Variants in TMEM120B observed in about 807,000 individuals in gnomAD.
TMEM120B encodes the protein transmembrane protein 120B.
Under a neutral mutation model 55.5 loss-of-function variants are expected in TMEM120B, and 31 were observed. The ratio of observed to expected loss-of-function variants is 0.56; its 90% CI spans 0.42 to 0.75. The LOEUF (loss-of-function observed/expected upper bound fraction) is 0.75, where lower values mean the gene tolerates loss of function less well. TMEM120B is among the 30% of genes least tolerant of loss of function. The probability of loss-of-function intolerance (pLI) is 0.00; values close to 1 mark genes in which losing one functional copy is unlikely to be tolerated. For synonymous variants in TMEM120B, 203 were observed against 176.3 expected (o/e 1.15, Z -1.20); for missense variants, 399 against 425.5 (o/e 0.94, Z 0.55).
intron 1 of TMEM120B, among the ~76,000 whole-genome samples, chr12:121,722,026 C>CT (rs1894802299): frequency 6.6e-6 from 1 of 150,856 alleles, no homozygotes; most frequent in Non-Finnish European, 1.5e-5. Context: ...TGGTCTCGAT[C>CT]TCTTGACCTT....
In TMEM120B at chr12:121,780,729, AAT is replaced by A; in HGVS notation, c.*5009_*5010del. ...AAAGTGCTCAGGTCCACAGGCCATC[AAT>A]ACTAATAGTTAAAAATTATTCTTAG... On this transcript the variant is annotated 3_prime_UTR_variant, in exon 12 of 12. Transcript: ENST00000449592. The A allele has an allele frequency of 1.0e-6, 1 of 952,692 alleles. No homozygotes were observed. Among genetic ancestry groups the A allele is most frequent in the Non-Finnish European group, 1.5e-6 (1 of 656,236 alleles). The allele number at this position is 952,692 out of a possible 1,614,324, so 59.0% of individuals were successfully genotyped here.
At chr12:121,769,715 C>CGTGT (rs63639861) in intron 6 of TMEM120B, among the ~76,000 whole-genome samples, 401 of 148,414 alleles carry the variant, frequency 2.7e-3, no homozygotes, top group Middle Eastern at 3.5e-3. Flanking sequence ...AAAGAGAAAA[C>CGTGT]GTGTGTGTGT....
chr12:121,765,129 CTTTTTTTTT>C (rs775861260), intron 6 of TMEM120B, among the ~76,000 whole-genome samples: 1 of 133,710 alleles, frequency 7.5e-6, no homozygotes, highest in South Asian at 2.4e-4. Flanking sequence ...TCTTTTCTTT[CTTTTTTTTT>C]TTTTTTTTTG....
rs1304949198 is a variant in TMEM120B, at chr12:121,712,797, G to A, written c.-99G>A. The A allele has an allele frequency of 6.9e-6, 6 of 874,472 alleles. No individual in the cohort carries two copies. Among genetic ancestry groups the A allele is most frequent in the East Asian group, 3.8e-5 (1 of 26,518 alleles). The allele number at this position is 874,472 out of a possible 1,614,324, so 54.2% of individuals were successfully genotyped here. On this transcript the variant is annotated 5_prime_UTR_variant, in exon 1 of 12. Transcript: ENST00000449592. ...CTGCGCAGGAACAGCTGGTGCCTCC[G>A]AGGGCGGTCGGCGAGCGCGCGGGCG...
At chr12:121,769,353 C>T (rs529199657) in intron 6 of TMEM120B, among the ~76,000 whole-genome samples, 24 of 152,168 alleles carry the variant, frequency 1.6e-4, no homozygotes, top group East Asian at 7.7e-4. Context: ...TGAGGTGCCG[C>T]GTGTGGCATC....
At position 121,775,718 on chromosome 12, in the gene TMEM120B, C is replaced by T. The variant is rs374562045; in HGVS notation, c.1016C>T (p.Pro339Leu). 8.7e-6 allele frequency: 14 copies of T among 1,613,758 alleles called. No homozygotes were observed. Among genetic ancestry groups the T allele is most frequent in the East Asian group, 2.2e-5 (1 of 44,888 alleles). Reference sequence around the variant, plus strand: ...AAGAACAGAGGCAAGACAAAGCAGCCGTGAGCCTCGGGCTCCTGTGCCCTC... The same window carrying T: ...AAGAACAGAGGCAAGACAAAGCAGCTGTGAGCCTCGGGCTCCTGTGCCCTC... ...LQKNRGKTKQ[P>L] Residue 339 changes from proline (P) to leucine (L), a missense_variant, in exon 12 of 12, where the codon CCG becomes CTG. By Grantham distance (98) the Pro-to-Leu change is moderately conservative (BLOSUM62 -3). Transcript: ENST00000449592. This position sits in a 1 kb window ranked among gnomAD's most constrained non-coding sequence, Gnocchi z 4.3.
chr12:121,725,282 G>A (rs12305580), intron 1 of TMEM120B, among the ~76,000 whole-genome samples: 1 of 152,268 alleles, frequency 6.6e-6, no homozygotes, highest in Non-Finnish European at 1.5e-5. Flanking sequence ...CTAGGGATTC[G>A]ATGGTGGGAG....
At chr12:121,728,544 C>T (rs1230183222) in intron 1 of TMEM120B, among the ~76,000 whole-genome samples, 1 of 151,772 alleles carries the variant, frequency 6.6e-6, no homozygotes, top group Non-Finnish European at 1.5e-5. Context: ...TGTGTCAAAC[C>T]CCTGACCTCA....
intron 1 of TMEM120B, among the ~76,000 whole-genome samples, chr12:121,727,334 G>T (rs1450531683): frequency 6.6e-6 from 1 of 151,436 alleles, no homozygotes; most frequent in African/African-American, 2.4e-5. Flanking sequence ...CCAGGAGTTT[G>T]AGACCAGCCT....
chr12:121,741,033 C>T (rs1872919070), intron 1 of TMEM120B, among the ~76,000 whole-genome samples: 1 of 152,074 alleles, frequency 6.6e-6, no homozygotes, highest in South Asian at 2.1e-4. Context: ...TTTATGGATA[C>T]TGCAATGCCA....
At chr12:121,768,563 G>A (rs1284449977) in intron 6 of TMEM120B, among the ~76,000 whole-genome samples, 1 of 152,178 alleles carries the variant, frequency 6.6e-6, no homozygotes. Context: ...TCCCTGCCCA[G>A]TCCCAAGAGA....
intron 1 of TMEM120B, 150 bp downstream of exon 1, chr12:121,713,114 C>T: frequency 1.8e-6 from 1 of 563,986 alleles, no homozygotes; most frequent in East Asian, 3.6e-5. Flanking sequence ...CATGGACCAG[C>T]CCCCTCCCAT....
chr12:121,764,705 C>A (rs1873792408), intron 6 of TMEM120B, among the ~76,000 whole-genome samples: 1 of 151,896 alleles, frequency 6.6e-6, no homozygotes, highest in South Asian at 2.1e-4. Context: ...ATCATTAACA[C>A]TTTAGTAAGA....
At position 121,732,889 on chromosome 12, in the gene TMEM120B, G is replaced by C. The variant is rs567820018; in HGVS notation, c.70-10740G>C. Among the ~76,000 whole-genome samples, 50 of 151,294 alleles carry C rather than the reference G, an allele frequency of 3.3e-4. 2 individuals carry two copies. In the South Asian group the frequency reaches 0.01, roughly 30 times the overall value. On this transcript the variant is annotated intron_variant, in intron 1 of 11. Transcript: ENST00000449592. Reference sequence around the variant, plus strand: ...AGCTACTTGGGAGGCTGAGGCAGGAGAATCACTTGAACCTGGGAGGCGGAG... The same window carrying C: ...AGCTACTTGGGAGGCTGAGGCAGGACAATCACTTGAACCTGGGAGGCGGAG...
intron 8 of TMEM120B, among the ~76,000 whole-genome samples, chr12:121,772,016 CCTTT>C (rs1874070168): frequency 6.6e-6 from 1 of 150,972 alleles, no homozygotes; most frequent in Admixed American, 6.6e-5. Flanking sequence ...GTGTGTATTG[CCTTT>C]CTTTCCCTTT....
chr12:121,777,647 A>C lies in TMEM120B; in HGVS notation c.*1925A>C, dbSNP rs1485145439. The C allele has an allele frequency of 1.3e-5, 2 of 152,268 alleles. No individual in the cohort carries two copies. Among genetic ancestry groups the C allele is most frequent in the Non-Finnish European group, 2.9e-5 (2 of 68,048 alleles). The allele number at this position is 152,268 out of a possible 1,614,324, so 9.4% of individuals were successfully genotyped here. ...GATTAGGAGTCAGCTAGCTGTCTGT[A>C]AAGGGCCAGATGGCAACTATTTTGA... On this transcript the variant is annotated 3_prime_UTR_variant, in exon 12 of 12. Coordinates refer to ENST00000449592, the MANE Select transcript of TMEM120B (RefSeq NM_001080825.2).
At chr12:121,770,222 G>A (rs1182578420) in intron 6 of TMEM120B, among the ~76,000 whole-genome samples, 1 of 152,018 alleles carries the variant, frequency 6.6e-6, no homozygotes, top group African/African-American at 2.4e-5. Context: ...ACCATTCTCT[G>A]TGGCTCACAG....
In TMEM120B at chr12:121,775,155, G is replaced by T; in HGVS notation, c.906+25G>T. 1 of 1,541,146 alleles carries T rather than the reference G, an allele frequency of 6.5e-7. No homozygotes were observed. Among genetic ancestry groups the T allele is most frequent in the South Asian group, 1.1e-5 (1 of 88,800 alleles). Reference sequence around the variant, plus strand: ...GGTATGGGGGGTGGGGGCATGCTCGGGGGAGGTTCCCGGGAGGGCTGGGGT... The same window carrying T: ...GGTATGGGGGGTGGGGGCATGCTCGTGGGAGGTTCCCGGGAGGGCTGGGGT... On this transcript the variant is annotated intron_variant, in intron 11 of 11. Transcript: ENST00000449592. This position sits in a 1 kb window ranked among gnomAD's most constrained non-coding sequence, Gnocchi z 4.3.
Position 121,776,004 on chromosome 12 carries a change from A to G in TMEM120B, c.*282A>G. On this transcript the variant is annotated 3_prime_UTR_variant, in exon 12 of 12. Transcript: ENST00000449592. ...TGAGGCCGGGCCAGTCTTCCTGGGGATGGGGCCTGAAGCCTCAGGGAGCCC... is the reference window on the plus strand; with the variant it reads ...TGAGGCCGGGCCAGTCTTCCTGGGGGTGGGGCCTGAAGCCTCAGGGAGCCC... The G allele has an allele frequency of 1.7e-6, 1 of 592,566 alleles. No individual in the cohort carries two copies. The highest frequency in any genetic ancestry group is 3.0e-6 in the Non-Finnish European group (1 of 332,388). 36.7% of individuals were successfully genotyped at this position (592,566 alleles called of 1,614,324 possible).
Sources: gnomAD v4.1 joint callset for allele counts (sites outside exome capture counted in the v4.1 genomes callset) on GRCh38, gnomAD v4.1.1 for gene constraint, Gnocchi (gnomAD v3.1) non-coding constraint, MANE v1.5 for transcripts, NCBI Gene and HGNC (gene_info 2026-07-23, HGNC 2026-07-21) for gene names.